The following AP2B1 variants were observed in gnomAD, a reference collection of about 807,000 sequenced individuals.
AP2B1 encodes the protein AP-2 complex subunit beta.
Under a neutral mutation model 102.0 loss-of-function variants are expected in AP2B1, and 23 were observed. That is an observed-to-expected ratio of 0.23 (90% CI 0.16 to 0.32). The LOEUF (loss-of-function observed/expected upper bound fraction) is 0.32, where lower values mean the gene tolerates loss of function less well. Among genes scored for constraint, AP2B1 ranks in the 10% least tolerant of loss-of-function variants. The pLI, the probability that AP2B1 is intolerant of heterozygous loss-of-function variation, is 1.00. For synonymous variants in AP2B1, 381 were observed against 421.2 expected (o/e 0.90, Z 1.17); for missense variants, 541 against 1,157.4 (o/e 0.47, Z 7.73).
intron 17 of AP2B1, among the ~76,000 whole-genome samples, chr17:35,681,045 C>A (rs765133102): frequency 6.6e-6 from 1 of 152,136 alleles, no homozygotes; most frequent in East Asian, 1.9e-4. Flanking sequence ...TGTCCTCCCA[C>A]ATATGTATTT....
intron 1 of AP2B1, among the ~76,000 whole-genome samples, chr17:35,588,081 C>A (rs75857015): frequency 7.9e-6 from 1 of 126,312 alleles, no homozygotes; most frequent in Non-Finnish European, 1.7e-5. Flanking sequence ...TTTTTTTTTT[C>A]TTTTTCTGGG....
chr17:35,712,394 C>T (rs782501630), intron 20 of AP2B1, among the ~76,000 whole-genome samples: 3 of 152,064 alleles, frequency 2.0e-5, no homozygotes, highest in East Asian at 1.9e-4. Flanking sequence ...TTTGGGAGGC[C>T]GAGGTGGGCA....
chr17:35,626,773 C>G lies in AP2B1; in HGVS notation c.869C>G (p.Thr290Ser). 1 of 1,614,048 alleles carries G rather than the reference C, an allele frequency of 6.2e-7. No homozygotes were observed. ...AAGAAGTTAGCCCCTCCACTTGTCA[C>G]TTTGCTGTCTGGGGAGCCAGAAGTG... ...LLKKLAPPLV[T>S]LLSGEPEVQY... Residue 290 changes from threonine to serine, a missense_variant, in exon 7 of 22, where the codon ACT becomes AGT. Around this residue, in one of 10 missense-constraint regions of AP2B1, gnomAD observed 134 missense variants for 250.2 expected, o/e 0.54. Coordinates refer to ENST00000610402, the MANE Select transcript of AP2B1 (RefSeq NM_001030006.2).
At position 35,626,720 on chromosome 17, in the gene AP2B1, G is replaced by A. The variant is rs930022557; in HGVS notation, c.816G>A (p.Lys272=). The A allele has an allele frequency of 6.8e-6, 11 of 1,613,756 alleles. No homozygotes were observed. Among genetic ancestry groups the A allele is most frequent in the Non-Finnish European group, 9.3e-6 (11 of 1,179,930 alleles). Residue 272 remains lysine (K), a synonymous_variant, in exon 7 of 22, where the codon AAG becomes AAA. Coordinates refer to ENST00000610402, the MANE Select transcript of AP2B1 (RefSeq NM_001030006.2). ...VLMKFLELLP[K]DSDYYNMLLK... Reference sequence around the variant, plus strand: ...TGAAGTTTCTAGAATTGTTACCTAAGGATTCTGACTACTACAATATGCTGC... The same window carrying A: ...TGAAGTTTCTAGAATTGTTACCTAAAGATTCTGACTACTACAATATGCTGC...
chr17:35,676,254 T>C (rs966240187), intron 17 of AP2B1, among the ~76,000 whole-genome samples: 1 of 152,190 alleles, frequency 6.6e-6, no homozygotes, highest in Non-Finnish European at 1.5e-5. Context: ...TATTTTTCTT[T>C]TTCTCATTTT....
intron 5 of AP2B1, chr17:35,621,274 T>C (rs1358966766): frequency 6.1e-6 from 6 of 984,254 alleles, no homozygotes; most frequent in Non-Finnish European, 7.2e-6. Context: ...TAAGATACTT[T>C]AGATTCAGTG....
chr17:35,653,089 A>C (rs372286127), intron 13 of AP2B1, among the ~76,000 whole-genome samples: 6 of 152,156 alleles, frequency 3.9e-5, no homozygotes, highest in East Asian at 1.9e-4. Flanking sequence ...TCTTGGTTGT[A>C]TCAAAAGGTT....
intron 12 of AP2B1, among the ~76,000 whole-genome samples, chr17:35,646,134 G>T (rs554083367): frequency 9.1e-4 from 138 of 152,332 alleles, no homozygotes; most frequent in South Asian, 2.5e-3. Flanking sequence ...TTTTAGTGCT[G>T]GCCTGGTAAG....
At chr17:35,675,284 C>T (rs1356775124) in intron 17 of AP2B1, among the ~76,000 whole-genome samples, 1 of 152,100 alleles carries the variant, frequency 6.6e-6, no homozygotes, top group Non-Finnish European at 1.5e-5. Context: ...GATATTTAGC[C>T]CTGCATATAA....
At chr17:35,695,839 C>G (rs1001302359) in intron 18 of AP2B1, among the ~76,000 whole-genome samples, 3 of 152,032 alleles carry the variant, frequency 2.0e-5, no homozygotes, top group Non-Finnish European at 2.9e-5. Context: ...CTGATATGCC[C>G]TTGGTTGCCG....
At chr17:35,601,110 TA>T in intron 3 of AP2B1, 4 of 651,418 alleles carry the variant, frequency 6.1e-6, no homozygotes, top group South Asian at 6.8e-5. Flanking sequence ...ACTCTTTGCT[TA>T]GCAGGCAAAG....
chr17:35,674,536 C>T (rs1027845333), intron 17 of AP2B1, among the ~76,000 whole-genome samples: 7 of 152,116 alleles, frequency 4.6e-5, no homozygotes, highest in Non-Finnish European at 8.8e-5. Context: ...GAAACCCCGT[C>T]TCTACTGAAA....
chr17:35,631,948 A>G (rs1415799718), intron 9 of AP2B1, among the ~76,000 whole-genome samples: 1 of 152,002 alleles, frequency 6.6e-6, no homozygotes, highest in Non-Finnish European at 1.5e-5. Context: ...TTATTTTCCT[A>G]GTTTGTTGTC....
intron 15 of AP2B1, 111 bp downstream of exon 15, chr17:35,671,009 AAACCTCTAT>A: frequency 9.0e-7 from 1 of 1,107,134 alleles, no homozygotes; most frequent in Non-Finnish European, 1.4e-6. Flanking sequence ...CTGCACACCA[AAACCTCTAT>A]AACAGTATAT....
At position 35,663,504 on chromosome 17, in the gene AP2B1, C is replaced by T. The variant is rs2075400189; in HGVS notation, c.1989+5713C>T. ...ACACTTTATACTGTCCTATGATTTTCCAGTTTGTTTGTTATTGTCATCTTG... is the reference window on the plus strand; with the variant it reads ...ACACTTTATACTGTCCTATGATTTTTCAGTTTGTTTGTTATTGTCATCTTG... On this transcript the variant is annotated intron_variant, in intron 14 of 21. Coordinates refer to ENST00000610402, the MANE Select transcript of AP2B1 (RefSeq NM_001030006.2). 2.0e-5 allele frequency among the ~76,000 whole-genome samples: 3 copies of T among 152,246 alleles called. No homozygotes were observed. In the South Asian group the frequency reaches 6.2e-4, roughly 32 times the overall value.
intron 9 of AP2B1, among the ~76,000 whole-genome samples, chr17:35,632,373 G>A (rs1397621958): frequency 6.6e-6 from 1 of 152,108 alleles, no homozygotes; most frequent in Non-Finnish European, 1.5e-5. Context: ...GACCTCAGAT[G>A]ATCCACCCGC....
At chr17:35,652,215 G>A (rs1371963288) in intron 13 of AP2B1, among the ~76,000 whole-genome samples, 1 of 151,992 alleles carries the variant, frequency 6.6e-6, no homozygotes, top group Non-Finnish European at 1.5e-5. Context: ...TGTCATTTGT[G>A]CATGTTTTGT....
chr17:35,605,242 T>A (rs1567789683), intron 3 of AP2B1, among the ~76,000 whole-genome samples: 1 of 19,820 alleles, frequency 5.0e-5, no homozygotes, highest in East Asian at 2.2e-3. Context: ...TTTCTTTTCT[T>A]TTTTTTTTTC....
rs760015653 is a variant in AP2B1, at chr17:35,680,694, T to TTGG, written c.2325-2000_2325-1999insGGT. 2.4e-3 allele frequency among the ~76,000 whole-genome samples: 113 copies of TTGG among 46,926 alleles called. 1 individual carries two copies. The highest frequency in any genetic ancestry group is 0.01 in the African/African-American group (110 of 10,742). The allele number at this position is 46,926 out of a possible 152,430, so 30.8% of individuals were successfully genotyped here. A position where few individuals can be genotyped will look rare whatever the true frequency, so the allele number is the denominator to read the frequency against. On this transcript the variant is annotated intron_variant, in intron 17 of 21. Coordinates refer to ENST00000610402, the MANE Select transcript of AP2B1 (RefSeq NM_001030006.2). ...CCCAGTCTATGGTTTTGGTTTTTTT[T>TTGG]TTTTTGTTTTTTTTTTTTTTTTCAG...
Sources: allele counts gnomAD v4.1 joint callset (sites outside exome capture counted in the v4.1 genomes callset), GRCh38; gene constraint gnomAD v4.1.1; regional missense constraint gnomAD v4.1.1; transcripts MANE v1.5; gene names NCBI Gene and HGNC (gene_info 2026-07-23, HGNC 2026-07-21).